ARPIN: variants seen among roughly 807,000 people sequenced by gnomAD.
The protein encoded by ARPIN is actin related protein 2/3 complex inhibitor, also known as UPF0552 protein C15orf38.
In ARPIN, 23 loss-of-function variants were observed where a neutral mutation model predicts 25.9. That is an observed-to-expected ratio of 0.89 (90% CI 0.64 to 1.26). The LOEUF is 1.26. Ranked by LOEUF, ARPIN falls within the 50% of genes most tolerant of loss-of-function variation. ARPIN has a pLI of 0.00. For missense variants in ARPIN, 333 were observed against 312.2 expected, an observed-to-expected ratio of 1.07 and a Z score of -0.50; for synonymous variants, 126 against 131.4, an observed-to-expected ratio of 0.96 and a Z score of 0.28.
chr15:89,905,443 C>T (rs1567195764), intron 3 of ARPIN, among the ~76,000 whole-genome samples: 2 of 152,134 alleles, frequency 1.3e-5, no homozygotes, highest in South Asian at 2.1e-4. Context: ...CCCTTCCCCC[C>T]TCCTGAGGAC....
At position 89,903,047 on chromosome 15, in the gene ARPIN, C is replaced by A. The variant is rs1596232822; in HGVS notation, c.672+169G>T. ...AGGTCCCAGGTTGTCATTCTTCATA[C>A]CTTAGAGGAATTCTCCTGATGCTAA... is the stretch of plus-strand genomic sequence containing the variant. On this transcript the variant is annotated intron_variant, in intron 5 of 5. Coordinates refer to ENST00000357484, the MANE Select transcript of ARPIN (RefSeq NM_182616.4). 8.0e-6 allele frequency: 12 copies of A among 1,502,824 alleles called. No individual in the cohort carries two copies. In the East Asian group the frequency reaches 2.9e-4, roughly 37 times the overall value. 93.1% of individuals were successfully genotyped at this position (1,502,824 alleles called of 1,614,324 possible).
rs2279848 is a variant in ARPIN at position 89,901,449 on chromosome 15, G to C, written c.*346C>G. The C allele has an allele frequency of 6.8e-6, 2 of 293,424 alleles. No homozygotes were observed. The highest frequency in any genetic ancestry group is 1.6e-4 in the East Asian group (2 of 12,264). 18.2% of individuals were successfully genotyped at this position (293,424 alleles called of 1,614,324 possible). On this transcript the variant is annotated 3_prime_UTR_variant, in exon 6 of 6. Coordinates refer to ENST00000357484, the MANE Select transcript of ARPIN (RefSeq NM_182616.4). ...ATCCCAACACCTTGGGAGGTGGAGG[G>C]GGGTGGATCGCTTGAGTCCAGGAGT...
At chr15:89,903,440 G>A (rs911380703) in intron 4 of ARPIN, 61 bp from the exon 5 acceptor site, 3 of 1,603,894 alleles carry the variant, frequency 1.9e-6, no homozygotes, top group East Asian at 2.2e-5. Flanking sequence ...AGTGAGGGCT[G>A]GGCCCATTAT....
At position 89,912,927 on chromosome 15, in the gene ARPIN, G is replaced by A; in HGVS notation, c.-92C>T. ...TGCTGCAGGACGCGCGGGGACCCGC[G>A]ATTCCCAGCCGGCGGATCCGGGAAT... On this transcript the variant is annotated 5_prime_UTR_variant, in exon 1 of 6. Coordinates refer to ENST00000357484, the MANE Select transcript of ARPIN (RefSeq NM_182616.4). 7.2e-7 allele frequency: 1 copy of A among 1,391,298 alleles called. No homozygotes were observed. Among genetic ancestry groups the A allele is most frequent in the Admixed American group, 3.2e-5 (1 of 30,922 alleles). 86.2% of individuals were successfully genotyped at this position (1,391,298 alleles called of 1,614,324 possible).
intron 3 of ARPIN, among the ~76,000 whole-genome samples, chr15:89,907,580 C>T (rs371350156): frequency 1.5e-4 from 23 of 152,116 alleles, no homozygotes; most frequent in East Asian, 1.2e-3. Flanking sequence ...AAGCCCTCAC[C>T]GGACACTGAA....
intron 1 of ARPIN, among the ~76,000 whole-genome samples, chr15:89,911,683 T>C (rs1384341534): frequency 1.3e-5 from 2 of 152,148 alleles, no homozygotes; most frequent in East Asian, 1.9e-4. Context: ...TATGTAATGA[T>C]TACCACAGAT....
In ARPIN at chr15:89,901,574, G is replaced by A; in HGVS notation, c.*221C>T. 1.7e-6 allele frequency: 1 copy of A among 588,958 alleles called. No individual in the cohort carries two copies. 36.5% of individuals were successfully genotyped at this position (588,958 alleles called of 1,614,324 possible). A position where few individuals can be genotyped will look rare whatever the true frequency, so the allele number is the denominator to read the frequency against. ...GGAAGGCTAGACTCACATGCAGGGA[G>A]GGGCCCTCCCTGAGCCACAGCATGA... On this transcript the variant is annotated 3_prime_UTR_variant, in exon 6 of 6. Transcript: ENST00000357484.
In ARPIN at chr15:89,899,744, T is replaced by G. The variant is rs980028813; in HGVS notation, c.*2051A>C. Reference sequence around the variant, plus strand: ...CGCCTCCAGCTGCTCGGCAGTCAAGTGACCTTTGAAACACAGATCAGATCT... The same window carrying G: ...CGCCTCCAGCTGCTCGGCAGTCAAGGGACCTTTGAAACACAGATCAGATCT... On this transcript the variant is annotated 3_prime_UTR_variant, in exon 6 of 6. Transcript: ENST00000357484. The G allele has an allele frequency of 6.6e-6, 1 of 152,528 alleles. No individual in the cohort carries two copies. The highest frequency in any genetic ancestry group is 1.5e-5 in the Non-Finnish European group (1 of 68,204). The allele number at this position is 152,528 out of a possible 1,614,324, so 9.4% of individuals were successfully genotyped here.
Position 89,901,560 on chromosome 15 carries a change from C to T in ARPIN, c.*235G>A. 1.7e-6 allele frequency: 1 copy of T among 575,226 alleles called. No homozygotes were observed. The highest frequency in any genetic ancestry group is 3.1e-6 in the Non-Finnish European group (1 of 323,092). 35.6% of individuals were successfully genotyped at this position (575,226 alleles called of 1,614,324 possible). A position where few individuals can be genotyped will look rare whatever the true frequency, so the allele number is the denominator to read the frequency against. On this transcript the variant is annotated 3_prime_UTR_variant, in exon 6 of 6. Coordinates refer to ENST00000357484, the MANE Select transcript of ARPIN (RefSeq NM_182616.4). ...TCATGTAATGTCTAGGAAGGCTAGA[C>T]TCACATGCAGGGAGGGGCCCTCCCT...
chr15:89,905,539 C>T (rs1687058832), intron 3 of ARPIN, among the ~76,000 whole-genome samples: 2 of 152,072 alleles, frequency 1.3e-5, no homozygotes, highest in African/African-American at 4.8e-5. Flanking sequence ...ACCCCATGTA[C>T]CCCCACCAGA....
intron 3 of ARPIN, among the ~76,000 whole-genome samples, chr15:89,905,700 C>T (rs930216707): frequency 2.6e-5 from 4 of 152,144 alleles, no homozygotes; most frequent in Admixed American, 1.3e-4. Flanking sequence ...CCTTCCCATC[C>T]CTCGGACCTT....
rs1211676981 is a variant in ARPIN at position 89,896,860 on chromosome 15, ATGT to A, written c.*4932_*4934del. ...CACCTCATCAAAAATCATTTTAAAAATGTTTTCATACCCAATTCTCACAAGGGC... is the reference window on the plus strand; with the variant it reads ...CACCTCATCAAAAATCATTTTAAAAATTTCATACCCAATTCTCACAAGGGC... On this transcript the variant is annotated 3_prime_UTR_variant, in exon 6 of 6. Coordinates refer to ENST00000357484, the MANE Select transcript of ARPIN (RefSeq NM_182616.4). 1 of 152,220 alleles carries A rather than the reference ATGT, an allele frequency of 6.6e-6. No individual in the cohort carries two copies. The highest frequency in any genetic ancestry group is 2.4e-5 in the African/African-American group (1 of 41,450). The allele number at this position is 152,220 out of a possible 1,614,324, so 9.4% of individuals were successfully genotyped here. A position where few individuals can be genotyped will look rare whatever the true frequency, so the allele number is the denominator to read the frequency against.
At chr15:89,912,532 A>T (rs978643915) in intron 1 of ARPIN, 9 of 1,296,962 alleles carry the variant, frequency 6.9e-6, no homozygotes, top group South Asian at 2.3e-5. Flanking sequence ...ACAGGCGGGG[A>T]GCTTTAAGCC....
chr15:89,903,949 C>T lies in ARPIN; in HGVS notation c.336G>A (p.Thr112=), dbSNP rs766203868. The change falls in exon 4 of 6, where the codon ACG becomes ACA. Residue 112 remains threonine (T), a synonymous_variant. Transcript: ENST00000357484. ...VEAKGDTDRL[T]PEALKGLVNK... Reference sequence around the variant, plus strand: ...TGACCAGCCCCTTCAGCGCCTCGGGCGTGAGCCTGTCAGTGTCCCCCTTGG... The same window carrying T: ...TGACCAGCCCCTTCAGCGCCTCGGGTGTGAGCCTGTCAGTGTCCCCCTTGG... 3.3e-5 allele frequency: 53 copies of T among 1,610,238 alleles called. No individual in the cohort carries two copies. The highest frequency in any genetic ancestry group is 1.8e-4 in the Admixed American group (11 of 59,984).
Position 89,897,055 on chromosome 15 carries a change from T to C in ARPIN, c.*4740A>G, listed in dbSNP as rs535987721. On this transcript the variant is annotated 3_prime_UTR_variant, in exon 6 of 6. Coordinates refer to ENST00000357484, the MANE Select transcript of ARPIN (RefSeq NM_182616.4). ...TAAAGAAATAACCCAAAAATATAGT[T>C]AGAGGTGGGGAATTAAGAGAACTAT... is the stretch of plus-strand genomic sequence containing the variant. 45 of 152,204 alleles carry C rather than the reference T, an allele frequency of 3.0e-4. No individual in the cohort carries two copies. The highest frequency in any genetic ancestry group is 5.4e-4 in the Non-Finnish European group (37 of 68,050). 9.4% of individuals were successfully genotyped at this position (152,204 alleles called of 1,614,324 possible).
Position 89,912,756 on chromosome 15 carries a change from G to T in ARPIN, c.80C>A (p.Ala27Asp). ...AGCCCAGGCCTACCCCTGGTGGGCG[G>T]CGGGGTCCCAGGCCCCTGGCAGCCG... ...SVRLPGAWDP[A>D]AHQGGNGVLL... The change falls in exon 1 of 6, where the codon GCC becomes GAC. Residue 27 changes from alanine to aspartate, a missense_variant. Coordinates refer to ENST00000357484, the MANE Select transcript of ARPIN (RefSeq NM_182616.4). The T allele has an allele frequency of 6.7e-7, 1 of 1,481,788 alleles. No individual in the cohort carries two copies. The highest frequency in any genetic ancestry group is 8.9e-7 in the Non-Finnish European group (1 of 1,120,822). 91.8% of individuals were successfully genotyped at this position (1,481,788 alleles called of 1,614,324 possible). A position where few individuals can be genotyped will look rare whatever the true frequency, so the allele number is the denominator to read the frequency against.
chr15:89,912,386 T>G (rs945913732), intron 1 of ARPIN: 4 of 1,061,720 alleles, frequency 3.8e-6, no homozygotes, highest in Non-Finnish European at 4.6e-6. Flanking sequence ...AGGGCATGAG[T>G]CTGTGCAAAA....
Position 89,895,998 on chromosome 15 carries a change from C to T in ARPIN, c.*5797G>A, listed in dbSNP as rs1005629918. The T allele has an allele frequency of 1.3e-5, 2 of 152,368 alleles. No homozygotes were observed. Among genetic ancestry groups the T allele is most frequent in the Admixed American group, 6.5e-5 (1 of 15,292 alleles). 9.4% of individuals were successfully genotyped at this position (152,368 alleles called of 1,614,324 possible). On this transcript the variant is annotated 3_prime_UTR_variant, in exon 6 of 6. Transcript: ENST00000357484. ...CCGTCTCCCGGGTTCAAACAATTCT[C>T]CTGCTTCAGCCTCCCCAGTAGCTGG...
Position 89,895,232 on chromosome 15 carries a change from TAATA to T in ARPIN, c.*6559_*6562del, listed in dbSNP as rs1185814486. On this transcript the variant is annotated 3_prime_UTR_variant, in exon 6 of 6. Transcript: ENST00000357484. The stretch of plus-strand genomic sequence containing the variant: ...TTGAATATGAGAAATATTAAATAGA[TAATA>T]AAAATCATGCTGGGAAAGATTTATG... 1.3e-5 allele frequency: 2 copies of T among 152,166 alleles called. No individual in the cohort carries two copies. Among genetic ancestry groups the T allele is most frequent in the Admixed American group, 6.6e-5 (1 of 15,266 alleles). The allele number at this position is 152,166 out of a possible 1,614,324, so 9.4% of individuals were successfully genotyped here.
Sources: gnomAD v4.1 joint callset for allele counts (sites outside exome capture counted in the v4.1 genomes callset) on GRCh38, gnomAD v4.1.1 for gene constraint, MANE v1.5 for transcripts, NCBI Gene and HGNC (gene_info 2026-07-23, HGNC 2026-07-21) for gene names.